The following SEPTIN8 variants were observed in gnomAD, a reference collection of about 807,000 sequenced individuals.
SEPTIN8 encodes the protein septin 8.
Under a neutral mutation model 53.1 loss-of-function variants are expected in SEPTIN8, and 22 were observed. The ratio of observed to expected loss-of-function variants is 0.41; its 90% confidence interval spans 0.30 to 0.59. The LOEUF is 0.59. Ranked by LOEUF, SEPTIN8 falls within the 20% of genes least tolerant of loss-of-function variation. The pLI is 0.24. For missense variants in SEPTIN8, 536 were observed against 638.7 expected, an observed-to-expected ratio of 0.84 and a Z score of 1.73; for synonymous variants, 228 against 248.4, an observed-to-expected ratio of 0.92 and a Z score of 0.77.
intron 1 of SEPTIN8, among the ~76,000 whole-genome samples, chr5:132,766,171 C>T (rs1239940071): frequency 6.6e-6 from 1 of 152,220 alleles, no homozygotes; most frequent in East Asian, 1.9e-4. Flanking sequence ...ACAACCCCCC[C>T]GTGGGGCTCA....
Position 132,752,181 on chromosome 5 carries a change from G to A in SEPTIN8, c.1287C>T (p.Asn429=). Residue 429 remains asparagine, a splice_region_variant and synonymous_variant, in exon 10 of 10, where the codon AAC becomes AAT. Transcript: ENST00000378719. ...QPLRKDKDKK[N]RSDIGAHQPG... ...GCTGGTGTGCTCCTATATCTGATCT[G>A]CTAAAGAAAGCACAGGTAGACATCA... 6.3e-7 allele frequency: 1 copy of A among 1,577,902 alleles called. No individual in the cohort carries two copies. Among genetic ancestry groups the A allele is most frequent in the South Asian group, 1.2e-5 (1 of 86,146 alleles).
At chr5:132,764,808 G>A (rs1307767937) in intron 2 of SEPTIN8, among the ~76,000 whole-genome samples, 1 of 152,124 alleles carries the variant, frequency 6.6e-6, no homozygotes, top group Non-Finnish European at 1.5e-5. Context: ...GGGACCAAGA[G>A]GGCCAGGGTC....
chr5:132,759,005 G>T (rs761999066), intron 9 of SEPTIN8: 2 of 741,302 alleles, frequency 2.7e-6, no homozygotes, highest in Non-Finnish European at 4.9e-6. Flanking sequence ...TAAGGGTCAA[G>T]ATCTGATTGG....
At chr5:132,753,309 C>T (rs993435069) in intron 9 of SEPTIN8, 2 of 272,372 alleles carry the variant, frequency 7.3e-6, no homozygotes, top group East Asian at 7.4e-5. Flanking sequence ...CCCCTGGGAG[C>T]GCTGGAATAT....
Position 132,761,569 on chromosome 5 carries a change from T to C in SEPTIN8, c.851A>G (p.Asn284Ser). 1 of 1,614,052 alleles carries C rather than the reference T, an allele frequency of 6.2e-7. No individual in the cohort carries two copies. The highest frequency in any genetic ancestry group is 8.5e-7 in the Non-Finnish European group (1 of 1,180,016). Residue 284 changes from asparagine (N) to serine (S), a missense_variant, in exon 7 of 10, where the codon AAC becomes AGC. This residue lies in a region of SEPTIN8 where 395 missense variants were observed against 451.8 expected (regional missense o/e 0.87). Coordinates refer to ENST00000378719, the MANE Select transcript of SEPTIN8 (RefSeq NM_001098811.2). This position sits in a 1 kb window ranked among gnomAD's most constrained non-coding sequence, Gnocchi z 5.8. ...VKLREMLIRV[N>S]MEDLREQTHS... ...GGTCTGCTCGCGGAGGTCTTCCATG[T>C]TCACCCGGATCAACATCTCCCGCAG...
chr5:132,753,196 C>T (rs977459429), intron 9 of SEPTIN8: 3 of 508,142 alleles, frequency 5.9e-6, no homozygotes, highest in Non-Finnish European at 1.1e-5. Context: ...GACTATGACC[C>T]TGTCTTCCCT....
In SEPTIN8 at chr5:132,760,521, G is replaced by T. The variant is rs773231345; in HGVS notation, c.1286+281C>A. The stretch of plus-strand genomic sequence containing the variant: ...AGGAAGAAGGGGGAAGAGAAGGAGA[G>T]AAAAAGGGAGAAGGGAGAGGGAGGG... On this transcript the variant is annotated intron_variant, in intron 9 of 9. Coordinates refer to ENST00000378719, the MANE Select transcript of SEPTIN8 (RefSeq NM_001098811.2). This position sits in a 1 kb window ranked among gnomAD's most constrained non-coding sequence, Gnocchi z 5.2. 1.3e-5 allele frequency among the ~76,000 whole-genome samples: 2 copies of T among 152,128 alleles called. No homozygotes were observed. The highest frequency in any genetic ancestry group is 2.4e-5 in the African/African-American group (1 of 41,440).
At chr5:132,758,304 AAAAT>A in intron 9 of SEPTIN8, 6 of 1,350,548 alleles carry the variant, frequency 4.4e-6, no homozygotes, top group East Asian at 2.6e-5. Flanking sequence ...CGCTGGTGCC[AAAAT>A]AAATATTTAG....
chr5:132,767,982 C>CACACACAA (rs1038588760), intron 1 of SEPTIN8, among the ~76,000 whole-genome samples: 4 of 150,898 alleles, frequency 2.7e-5, no homozygotes, highest in African/African-American at 9.8e-5. Context: ...CACACACACA[C>CACACACAA]ACACGCAGCC....
upstream of SEPTIN8, chr5:132,777,339 C>A (rs564623625): frequency 1.5e-5 from 16 of 1,056,900 alleles, no homozygotes; most frequent in East Asian, 1.1e-3. The surrounding 1 kb of genome is among the most constrained non-coding windows in gnomAD (Gnocchi z 4.1). Flanking sequence ...GGCCTCCCCG[C>A]CCGGCCCGGC....
Position 132,777,016 on chromosome 5 carries a change from G to T in SEPTIN8, c.30+92C>A. 2.4e-6 allele frequency: 2 copies of T among 835,344 alleles called. No homozygotes were observed. The highest frequency in any genetic ancestry group is 3.1e-6 in the Non-Finnish European group (2 of 654,964). The allele number at this position is 835,344 out of a possible 1,614,324, so 51.7% of individuals were successfully genotyped here. On this transcript the variant is annotated intron_variant, in intron 1 of 9. Coordinates refer to ENST00000378719, the MANE Select transcript of SEPTIN8 (RefSeq NM_001098811.2). This position sits in a 1 kb window ranked among gnomAD's most constrained non-coding sequence, Gnocchi z 4.1. ...TGTCGAGGCCCGGCCGTGAGGCGCT[G>T]ACAGCCCGCTTCGCGCCCCCCGCCA...
At chr5:132,758,562 A>C in intron 9 of SEPTIN8, 1 of 1,612,938 alleles carries the variant, frequency 6.2e-7, no homozygotes, top group Non-Finnish European at 8.5e-7. Context: ...TGGCTCTGAA[A>C]AAAATAAACC....
Position 132,760,790 on chromosome 5 carries a change from C to T in SEPTIN8, c.1286+12G>A. 6.2e-7 allele frequency: 1 copy of T among 1,611,738 alleles called. No individual in the cohort carries two copies. Among genetic ancestry groups the T allele is most frequent in the Non-Finnish European group, 8.5e-7 (1 of 1,179,368 alleles). On this transcript the variant is annotated intron_variant, in intron 9 of 9. Transcript: ENST00000378719. The surrounding 1 kb of genome is among the most constrained non-coding windows in gnomAD (Gnocchi z 5.2). The stretch of plus-strand genomic sequence containing the variant: ...GCAAGAGGAGCCAGCGCAGGCGCAG[C>T]CTGCCACCTACTTCTTCTTGTCCTT...
rs1016120286 is a variant in SEPTIN8, at chr5:132,752,966, A to T, written c.1287-785T>A. The T allele has an allele frequency of 6.8e-6, 11 of 1,613,544 alleles. No homozygotes were observed. The African/African-American group carries it at 1.2e-4, about 18-fold the overall frequency. The stretch of plus-strand genomic sequence containing the variant: ...ACAGACAACTTTGTGTCACCTGCCA[A>T]CTAGCCCCTCTGCCTCCACCCCGGG... On this transcript the variant is annotated intron_variant, in intron 9 of 9. Coordinates refer to ENST00000378719, the MANE Select transcript of SEPTIN8 (RefSeq NM_001098811.2).
upstream of SEPTIN8, chr5:132,777,903 G>C (rs1757938897): frequency 1.2e-5 from 12 of 985,526 alleles, no homozygotes; most frequent in Non-Finnish European, 1.4e-5. The surrounding 1 kb of genome is among the most constrained non-coding windows in gnomAD (Gnocchi z 4.1). Context: ...TCCTGCAATA[G>C]AAAAGCGGAG....
Position 132,763,837 on chromosome 5 carries a change from C to T in SEPTIN8, c.403G>A (p.Glu135Lys). ...DAQFENYLQEELKIRRSLFDY... is the reference protein window; with the variant it reads ...DAQFENYLQEKLKIRRSLFDY... ...AAGAGCGAGCGGCGGATCTTCAGCT[C>T]CTCCTGCAGATAATTTTCAAACTGC... The change falls in exon 4 of 10, where the codon GAG becomes AAG. Residue 135 changes from glutamate (E) to lysine (K), a missense_variant. Physicochemically the swap from Glu to Lys is moderately conservative, Grantham distance 56. Transcript: ENST00000378719. 6.2e-7 allele frequency: 1 copy of T among 1,608,018 alleles called. No individual in the cohort carries two copies. Among genetic ancestry groups the T allele is most frequent in the Non-Finnish European group, 8.5e-7 (1 of 1,176,822 alleles).
At chr5:132,772,315 G>C (rs115374177) in intron 1 of SEPTIN8, among the ~76,000 whole-genome samples, 95 of 152,300 alleles carry the variant, frequency 6.2e-4, no homozygotes, top group African/African-American at 2.3e-3. Flanking sequence ...CACAGTTACT[G>C]GTAGCTGGGC....
At chr5:132,774,879 C>T (rs1366009663) in intron 1 of SEPTIN8, among the ~76,000 whole-genome samples, 1 of 152,166 alleles carries the variant, frequency 6.6e-6, no homozygotes, top group Non-Finnish European at 1.5e-5. Flanking sequence ...TGTGGCTCTG[C>T]CCATTTTACA....
At chr5:132,770,069 ATATATATATATG>A (rs1234967132) in intron 1 of SEPTIN8, among the ~76,000 whole-genome samples, 1 of 64,880 alleles carries the variant, frequency 1.5e-5, no homozygotes, top group Non-Finnish European at 2.2e-5. Flanking sequence ...GTGTGTATAT[ATATATATATATG>A]TATATATGTA....
Sources: allele counts gnomAD v4.1 joint callset (sites outside exome capture counted in the v4.1 genomes callset), GRCh38; gene constraint gnomAD v4.1.1; regional missense constraint gnomAD v4.1.1; non-coding constraint Gnocchi (gnomAD v3.1); transcripts MANE v1.5; gene names NCBI Gene and HGNC (gene_info 2026-07-23, HGNC 2026-07-21).